AGBL4: variants seen among roughly 807,000 people sequenced by gnomAD.
AGBL4 encodes the protein AGBL carboxypeptidase 4.
In AGBL4, 58 loss-of-function variants were observed where a neutral mutation model predicts 66.4. That is an observed-to-expected ratio of 0.87 (90% CI 0.71 to 1.09). The LOEUF (loss-of-function observed/expected upper bound fraction) is 1.09. Among genes scored for constraint, AGBL4 ranks in the 50% least tolerant of loss-of-function variants. The probability of loss-of-function intolerance (pLI) is 0.00; values close to 1 mark genes in which losing one functional copy is unlikely to be tolerated. For synonymous variants in AGBL4, 234 were observed against 222.9 expected (o/e 1.05, Z -0.44); for missense variants, 579 against 631.0 (o/e 0.92, Z 0.88).
intron 3 of AGBL4, among the ~76,000 whole-genome samples, chr1:49,294,620 TC>T (rs1644604583): frequency 6.6e-6 from 1 of 152,184 alleles, no homozygotes; most frequent in Admixed American, 6.5e-5. Flanking sequence ...TGTCACTAAG[TC>T]AATCTCTCCA....
intron 5 of AGBL4, among the ~76,000 whole-genome samples, chr1:49,012,852 G>C (rs1311030035): frequency 6.6e-6 from 1 of 152,152 alleles, no homozygotes; most frequent in African/African-American, 2.4e-5. Context: ...TTAAGAGGTG[G>C]GACCTGTAAG....
intron 3 of AGBL4, among the ~76,000 whole-genome samples, chr1:49,679,459 A>G (rs1646646493): frequency 6.6e-6 from 1 of 152,138 alleles, no homozygotes; most frequent in African/African-American, 2.4e-5. Flanking sequence ...AACATTTGAA[A>G]TACATTTATT....
chr1:49,400,275 G>A (rs1173725013), intron 3 of AGBL4, among the ~76,000 whole-genome samples: 1 of 152,128 alleles, frequency 6.6e-6, no homozygotes, highest in Non-Finnish European at 1.5e-5. Context: ...TGCTGTTTTG[G>A]TTACTGTAGC....
intron 3 of AGBL4, among the ~76,000 whole-genome samples, chr1:49,454,721 T>C (rs1183363306): frequency 3.3e-5 from 5 of 151,570 alleles, no homozygotes; most frequent in Non-Finnish European, 1.5e-5. Context: ...TTGGTAAGGG[T>C]TACAGAAGTG....
intron 6 of AGBL4, among the ~76,000 whole-genome samples, chr1:48,768,975 C>T (rs2148684521): frequency 6.6e-6 from 1 of 152,254 alleles, no homozygotes. Flanking sequence ...AAAAAGAGTG[C>T]CCTGCTGTGG....
intron 4 of AGBL4, among the ~76,000 whole-genome samples, chr1:49,153,606 G>GTTCTTTAAATTACATGA (rs1646379301): frequency 6.6e-6 from 1 of 151,182 alleles, no homozygotes; most frequent in African/African-American, 2.5e-5. Context: ...TTCTCAACAG[G>GTTCTTTAAATTACATGA]AATATTTCAA....
At chr1:48,585,097 A>G (rs1219862939) in intron 11 of AGBL4, 1 of 152,170 alleles carries the variant, frequency 6.6e-6, no homozygotes, top group Non-Finnish European at 1.5e-5. Flanking sequence ...TGCTGTGTTT[A>G]CTTTTGATAA....
At chr1:48,881,494 A>C (rs1040462584) in intron 5 of AGBL4, among the ~76,000 whole-genome samples, 1 of 152,148 alleles carries the variant, frequency 6.6e-6, no homozygotes, top group African/African-American at 2.4e-5. Context: ...CACCAACTTT[A>C]GTAGCACTGG....
At chr1:49,280,502 A>G (rs545083077) in intron 3 of AGBL4, among the ~76,000 whole-genome samples, 2 of 152,290 alleles carry the variant, frequency 1.3e-5, no homozygotes, top group East Asian at 3.9e-4. Context: ...CCCACTAGAA[A>G]TAAACCAGAG....
intron 6 of AGBL4, among the ~76,000 whole-genome samples, chr1:48,714,856 TG>T (rs1024352400): frequency 6.6e-6 from 1 of 152,236 alleles, no homozygotes; most frequent in African/African-American, 2.4e-5. Flanking sequence ...GAAGGGACAC[TG>T]AGATTTTTTA....
At chr1:49,074,016 G>A (rs757984804) in intron 4 of AGBL4, among the ~76,000 whole-genome samples, 46 of 152,164 alleles carry the variant, frequency 3.0e-4, no homozygotes, top group Non-Finnish European at 5.6e-4. Flanking sequence ...TGAACTTCCC[G>A]GTGGCTGTGT....
chr1:48,539,797 G>A (rs1644034885), intron 11 of AGBL4, 59 bp from the exon 12 acceptor site: 7 of 1,135,168 alleles, frequency 6.2e-6, no homozygotes, highest in Middle Eastern at 2.1e-4. Flanking sequence ...AGTGAAAAGA[G>A]AACTACTAAT....
At chr1:49,504,321 A>G (rs1347806154) in intron 3 of AGBL4, among the ~76,000 whole-genome samples, 2 of 152,134 alleles carry the variant, frequency 1.3e-5, no homozygotes, top group East Asian at 3.9e-4. Context: ...TAAATTACCC[A>G]GTCTCAGAGG....
At chr1:49,439,846 T>G (rs1557941874) in intron 3 of AGBL4, among the ~76,000 whole-genome samples, 1 of 152,174 alleles carries the variant, frequency 6.6e-6, no homozygotes, top group East Asian at 1.9e-4. Context: ...TTGTGAGACC[T>G]CGTGATCACG....
intron 2 of AGBL4, among the ~76,000 whole-genome samples, chr1:49,813,439 C>T (rs1645153749): frequency 6.6e-6 from 1 of 152,084 alleles, no homozygotes; most frequent in Non-Finnish European, 1.5e-5. Context: ...ACAGTCTCTA[C>T]TCCAATACCC....
chr1:48,810,328 G>T (rs1443581327), intron 6 of AGBL4, among the ~76,000 whole-genome samples: 1 of 152,170 alleles, frequency 6.6e-6, no homozygotes, highest in Non-Finnish European at 1.5e-5. Context: ...TATTCCCTAA[G>T]CCATTTGTCA....
rs1467270474 is a variant in AGBL4 at position 49,561,528 on chromosome 1, A to C, written c.282+135785T>G. Among the ~76,000 whole-genome samples, 5 of 151,918 alleles carry C rather than the reference A, an allele frequency of 3.3e-5. No individual in the cohort carries two copies. The South Asian group carries it at 1.0e-3, about 32-fold the overall frequency. Reference sequence around the variant, plus strand: ...TGTGTCCATGTGTTCTCATGGTTCAATTCCCACCTATGAGTGAGAACATGT... The same window carrying C: ...TGTGTCCATGTGTTCTCATGGTTCACTTCCCACCTATGAGTGAGAACATGT... On this transcript the variant is annotated intron_variant, in intron 3 of 13. Coordinates refer to ENST00000371839, the MANE Select transcript of AGBL4 (RefSeq NM_032785.4).
At chr1:49,673,769 T>C (rs2124534707) in intron 3 of AGBL4, among the ~76,000 whole-genome samples, 1 of 152,068 alleles carries the variant, frequency 6.6e-6, no homozygotes, top group South Asian at 2.1e-4. Context: ...ACCTGTAAAA[T>C]AAAGCTCACA....
chr1:48,855,793 T>C (rs1040335558), intron 6 of AGBL4, among the ~76,000 whole-genome samples: 4 of 152,094 alleles, frequency 2.6e-5, no homozygotes, highest in African/African-American at 9.7e-5. Flanking sequence ...AATTGGAACA[T>C]ACTAGAGACT....
Sources: allele counts gnomAD v4.1 joint callset (sites outside exome capture counted in the v4.1 genomes callset), GRCh38; gene constraint gnomAD v4.1.1; transcripts MANE v1.5; gene names NCBI Gene and HGNC (gene_info 2026-07-23, HGNC 2026-07-21).